The following DDX60L variants were observed in gnomAD, a reference collection of about 807,000 sequenced individuals.
DDX60L encodes the protein DExD/H-box 60 like, also known as probable ATP-dependent RNA helicase DDX60-like.
Under a neutral mutation model 211.6 loss-of-function variants are expected in DDX60L, and 191 were observed. That is an observed-to-expected ratio of 0.90 (90% CI 0.80 to 1.02). The LOEUF (loss-of-function observed/expected upper bound fraction) is 1.02, where lower values mean the gene tolerates loss of function less well. Among genes scored for constraint, DDX60L ranks in the 50% least tolerant of loss-of-function variants. The probability of loss-of-function intolerance (pLI) is 0.00; values close to 1 mark genes in which losing one functional copy is unlikely to be tolerated. For missense variants in DDX60L, 2,007 were observed against 1,984.1 expected (o/e 1.01, Z -0.22); for synonymous variants, 706 against 694.1 (o/e 1.02, Z -0.27).
At chr4:168,365,672 A>C (rs1396773603) in intron 36 of DDX60L, among the ~76,000 whole-genome samples, 5 of 152,062 alleles carry the variant, frequency 3.3e-5, no homozygotes, top group Non-Finnish European at 7.4e-5. Context: ...AATTTTTTTT[A>C]CAAGACCAAC....
At chr4:168,436,998 C>T (rs1456054657) in intron 10 of DDX60L, among the ~76,000 whole-genome samples, 1 of 152,180 alleles carries the variant, frequency 6.6e-6, no homozygotes, top group Non-Finnish European at 1.5e-5. Context: ...GTCCAGAATA[C>T]AGGAGATCCC....
chr4:168,464,698 CG>C (rs1049319000), intron 4 of DDX60L, among the ~76,000 whole-genome samples: 8 of 151,816 alleles, frequency 5.3e-5, no homozygotes, highest in African/African-American at 1.9e-4. Context: ...TGTGTGTGTG[CG>C]TGTGTTGGAA....
At chr4:168,366,713 A>G (rs1437538883) in intron 36 of DDX60L, among the ~76,000 whole-genome samples, 3 of 152,128 alleles carry the variant, frequency 2.0e-5, no homozygotes. Flanking sequence ...GAGGCATCAC[A>G]CTGACTTCAA....
intron 26 of DDX60L, among the ~76,000 whole-genome samples, chr4:168,399,279 G>C (rs1022340354): frequency 6.6e-6 from 1 of 152,020 alleles, no homozygotes; most frequent in Non-Finnish European, 1.5e-5. Flanking sequence ...CCTTCAGGGA[G>C]CCAGACCTAG....
chr4:168,379,453 A>G lies in DDX60L; in HGVS notation c.4273T>C (p.Tyr1425His). The G allele has an allele frequency of 6.3e-7, 1 of 1,598,080 alleles. No individual in the cohort carries two copies. The highest frequency in any genetic ancestry group is 8.5e-7 in the Non-Finnish European group (1 of 1,175,462). The change falls in exon 32 of 38, where the codon TAT (tyrosine) becomes CAT (histidine). Residue 1425 changes from tyrosine to histidine, a missense_variant. Physicochemically the swap from Tyr to His is moderately conservative, Grantham distance 83. Coordinates refer to ENST00000682922, the MANE Select transcript of DDX60L (RefSeq NM_001012967.3). ...TTTGAAGGTTCATGACCATGCAAAT[A>G]TGATGCAAGTCCTGCAAATTTCTTT... ...NPKKFAGLAS[Y>H]LHGHEPSNLV... is the part of the protein sequence containing the mutation.
At chr4:168,407,182 C>T (rs1363999757) in intron 22 of DDX60L, among the ~76,000 whole-genome samples, 4 of 152,114 alleles carry the variant, frequency 2.6e-5, no homozygotes, top group African/African-American at 7.2e-5. Flanking sequence ...CAAACCTTTG[C>T]CCCTAGAGAT....
Position 168,471,865 on chromosome 4 carries a change from G to C in DDX60L, c.146C>G (p.Thr49Arg). The C allele has an allele frequency of 6.2e-7, 1 of 1,613,520 alleles. No individual in the cohort carries two copies. The highest frequency in any genetic ancestry group is 1.1e-5 in the South Asian group (1 of 90,962). ...CTTGAATGATTTTACACCCAGGCAT[G>C]TGACAAGCAAGGAATCTCCATCAAT... ...FVIDGDSLLV[T>R]CLGVKSFKWG... Residue 49 changes from threonine (T) to arginine (R), a missense_variant, in exon 4 of 38, where the codon ACA becomes AGA. Coordinates refer to ENST00000682922, the MANE Select transcript of DDX60L (RefSeq NM_001012967.3).
chr4:168,414,277 G>A (rs1298066250), intron 22 of DDX60L, among the ~76,000 whole-genome samples: 2 of 152,022 alleles, frequency 1.3e-5, no homozygotes, highest in African/African-American at 4.8e-5. Context: ...GAAACCACCT[G>A]AAGGTAAAAA....
In DDX60L at chr4:168,472,684, A is replaced by C; in HGVS notation, c.4+12T>G. On this transcript the variant is annotated intron_variant, in intron 2 of 37. Transcript: ENST00000682922. ...GCTTTATAGGCTACAAATATCAAAG[A>C]TTGAGAATTACCCATCGTTGCTGCT... 6.2e-7 allele frequency: 1 copy of C among 1,613,454 alleles called. No homozygotes were observed. The highest frequency in any genetic ancestry group is 8.5e-7 in the Non-Finnish European group (1 of 1,179,638).
rs1751582384 is a variant in DDX60L at position 168,427,104 on chromosome 4, G to A, written c.1896C>T (p.Cys632=). The change falls in exon 14 of 38, where the codon TGC becomes TGT. Residue 632 remains cysteine, a synonymous_variant. Transcript: ENST00000682922. ...GGCAATGTTTTTTCCATGCTTTAAA[G>A]CAGGCAATTAATCCTAACATTTCAA... is the stretch of plus-strand genomic sequence containing the variant. ...FGVEMLGLIA[C]FKAWKKHCRG... 1.2e-6 allele frequency: 2 copies of A among 1,606,194 alleles called. No homozygotes were observed. The highest frequency in any genetic ancestry group is 2.7e-5 in the African/African-American group (2 of 74,868).
chr4:168,428,389 T>C (rs1054771326), intron 13 of DDX60L, among the ~76,000 whole-genome samples: 3 of 152,182 alleles, frequency 2.0e-5, no homozygotes, highest in Non-Finnish European at 4.4e-5. Context: ...TTGTAGCCTT[T>C]GCAACTTCAG....
chr4:168,373,585 G>A, intron 35 of DDX60L, 81 bp downstream of exon 35: 1 of 1,401,794 alleles, frequency 7.1e-7, no homozygotes, highest in Non-Finnish European at 9.9e-7. Flanking sequence ...TGGGTTTGAG[G>A]TCCTATCAAG....
In DDX60L at chr4:168,448,718, T is replaced by C. The variant is rs765725697; in HGVS notation, c.1058A>G (p.Asn353Ser). The C allele has an allele frequency of 7.5e-6, 12 of 1,606,566 alleles. No individual in the cohort carries two copies. The highest frequency in any genetic ancestry group is 6.7e-5 in the African/African-American group (5 of 74,790). The change falls in exon 9 of 38, where the codon AAT (asparagine) becomes AGT (serine). Residue 353 changes from asparagine to serine, a missense_variant. By Grantham distance (46) the Asn-to-Ser change is conservative. Coordinates refer to ENST00000682922, the MANE Select transcript of DDX60L (RefSeq NM_001012967.3). The stretch of plus-strand genomic sequence containing the variant: ...ATACAAGTCAGAAACATGATTTAAA[T>C]TCAGATTCCAGCATCCAAAAACGTT... ...NLNVFGCWNLNLNHVSDLYDE... is the reference protein window; with the variant it reads ...NLNVFGCWNLSLNHVSDLYDE...
chr4:168,437,443 T>C (rs7676353), intron 10 of DDX60L, among the ~76,000 whole-genome samples: 10,542 of 152,078 alleles, frequency 0.069, 1,199 homozygotes, highest in African/African-American at 0.23. Flanking sequence ...GAGAGAGGCA[T>C]GGGATTGTAA....
chr4:168,395,940 T>G lies in DDX60L; in HGVS notation c.3657+19A>C. ...ATGTCACAACTGTAACGTATTATATTAATAATTCTCTGACGTACTGAGTCT... is the reference window on the plus strand; with the variant it reads ...ATGTCACAACTGTAACGTATTATATGAATAATTCTCTGACGTACTGAGTCT... On this transcript the variant is annotated intron_variant, in intron 27 of 37. Transcript: ENST00000682922. 1 of 1,523,310 alleles carries G rather than the reference T, an allele frequency of 6.6e-7. No individual in the cohort carries two copies. Among genetic ancestry groups the G allele is most frequent in the Non-Finnish European group, 9.0e-7 (1 of 1,109,578 alleles). 94.4% of individuals were successfully genotyped at this position (1,523,310 alleles called of 1,614,324 possible). A position where few individuals can be genotyped will look rare whatever the true frequency, so the allele number is the denominator to read the frequency against.
chr4:168,412,855 C>T (rs1748923605), intron 22 of DDX60L, among the ~76,000 whole-genome samples: 1 of 152,158 alleles, frequency 6.6e-6, no homozygotes, highest in African/African-American at 2.4e-5. Context: ...GTTTGGGAGA[C>T]AGTAAGGGAA....
intron 36 of DDX60L, 106 bp downstream of exon 36, chr4:168,371,506 T>G (rs1293557248): frequency 2.4e-6 from 1 of 420,268 alleles, no homozygotes; most frequent in East Asian, 4.9e-5. Context: ...TATATAACTA[T>G]ATAATGTAAA....
chr4:168,397,744 C>T (rs376481118), intron 26 of DDX60L, among the ~76,000 whole-genome samples: 22 of 152,290 alleles, frequency 1.4e-4, no homozygotes, highest in East Asian at 1.2e-3. Flanking sequence ...CTGGAGCGGC[C>T]GCTGCCAGGA....
At position 168,378,371 on chromosome 4, in the gene DDX60L, T is replaced by A. The variant is rs1176525880; in HGVS notation, c.4468A>T (p.Ser1490Cys). The A allele has an allele frequency of 2.1e-6, 3 of 1,449,700 alleles. No homozygotes were observed. Among genetic ancestry groups the A allele is most frequent in the Middle Eastern group, 1.7e-4 (1 of 5,762 alleles). 89.8% of individuals were successfully genotyped at this position (1,449,700 alleles called of 1,614,324 possible). Residue 1490 changes from serine to cysteine, a missense_variant, in exon 33 of 38, where the codon AGT becomes TGT. Coordinates refer to ENST00000682922, the MANE Select transcript of DDX60L (RefSeq NM_001012967.3). ...IPAKFQNANLSFSQSKVILAE... is the reference protein window; with the variant it reads ...IPAKFQNANLCFSQSKVILAE... Reference sequence around the variant, plus strand: ...AACTTTACCTTTGACTGAGAAAAACTTAAATTAGCATTTTGGAATTTTGCT... The same window carrying A: ...AACTTTACCTTTGACTGAGAAAAACATAAATTAGCATTTTGGAATTTTGCT...
Sources: allele counts gnomAD v4.1 joint callset (sites outside exome capture counted in the v4.1 genomes callset), GRCh38; gene constraint gnomAD v4.1.1; transcripts MANE v1.5; gene names NCBI Gene and HGNC (gene_info 2026-07-23, HGNC 2026-07-21).